The following LHFPL3 variants were observed in gnomAD, a reference collection of about 807,000 sequenced individuals.
LHFPL3 encodes LHFPL tetraspan subfamily member 3 protein.
Under a neutral mutation model 19.3 loss-of-function variants are expected in LHFPL3, and 5 were observed. The ratio of observed to expected loss-of-function variants is 0.26; its 90% CI spans 0.14 to 0.54. LHFPL3 has a LOEUF of 0.54. LHFPL3 is among the 20% of genes least tolerant of loss of function. The probability of loss-of-function intolerance (pLI) is 0.94; values close to 1 mark genes in which losing one functional copy is unlikely to be tolerated. For missense variants in LHFPL3, 249 were observed against 307.4 expected (o/e 0.81, Z 1.42); for synonymous variants, 133 against 126.2 (o/e 1.05, Z -0.36).
chr7:104,862,006 TG>T, intron 2 of LHFPL3, among the ~76,000 whole-genome samples: 1 of 152,164 alleles, frequency 6.6e-6, no homozygotes. Flanking sequence ...TTCTCATTCC[TG>T]GAGGCAGCAG....
chr7:104,436,594 T>C (rs1464079162), intron 1 of LHFPL3, among the ~76,000 whole-genome samples: 3 of 152,232 alleles, frequency 2.0e-5, no homozygotes, highest in Non-Finnish European at 4.4e-5. Flanking sequence ...GAAGATCATA[T>C]TGATTTTTAA....
chr7:104,761,202 C>G (rs142322135), intron 2 of LHFPL3, among the ~76,000 whole-genome samples: 17 of 152,242 alleles, frequency 1.1e-4, no homozygotes, highest in African/African-American at 9.6e-5. Context: ...GTCTAGGTCT[C>G]TTGACATCAC....
At chr7:104,341,861 C>T (rs186808431) in intron 1 of LHFPL3, among the ~76,000 whole-genome samples, 17 of 151,352 alleles carry the variant, frequency 1.1e-4, no homozygotes, top group Admixed American at 6.6e-4. Context: ...TTCTAGAGGA[C>T]GGAGGGTGGA....
intron 2 of LHFPL3, among the ~76,000 whole-genome samples, chr7:104,877,139 G>A (rs986650057): frequency 3.3e-5 from 5 of 152,182 alleles, no homozygotes; most frequent in African/African-American, 1.2e-4. Context: ...GGTCAGGGGA[G>A]GAGGGAGGGA....
chr7:104,703,462 T>G (rs7789680), intron 1 of LHFPL3, among the ~76,000 whole-genome samples: 151,372 of 152,332 alleles, frequency 0.99, 75,217 homozygotes, highest in East Asian at 1. Context: ...GAGCACAAAG[T>G]TTTGTGGTTT....
chr7:104,907,872 A>G lies in LHFPL3; in HGVS notation c.*1657A>G, dbSNP rs17706864. On this transcript the variant is annotated 3_prime_UTR_variant, in exon 3 of 3. Transcript: ENST00000424859. The stretch of plus-strand genomic sequence containing the variant: ...CATTATGTTTCAAATGGCTAAAAGC[A>G]TATTATGGGTATGCTCAAAGGAGTA... 6.6e-6 allele frequency among the ~76,000 whole-genome samples: 1 copy of G among 152,024 alleles called. No homozygotes were observed. The highest frequency in any genetic ancestry group is 1.5e-5 in the Non-Finnish European group (1 of 67,964).
chr7:104,460,212 A>G (rs1000198276), intron 1 of LHFPL3, among the ~76,000 whole-genome samples: 3 of 152,190 alleles, frequency 2.0e-5, no homozygotes, highest in African/African-American at 7.2e-5. Flanking sequence ...AGTATTCCAC[A>G]GTGAATATGT....
At chr7:104,668,929 G>C (rs1792418379) in intron 1 of LHFPL3, 9 of 1,612,346 alleles carry the variant, frequency 5.6e-6, no homozygotes, top group Non-Finnish European at 6.8e-6. Context: ...GCCAAAACTA[G>C]AACGACGGCC....
intron 1 of LHFPL3, among the ~76,000 whole-genome samples, chr7:104,332,218 CT>C (rs1562866567): frequency 1.0e-5 from 1 of 95,898 alleles, no homozygotes; most frequent in East Asian, 3.4e-4. Flanking sequence ...AATCCTATTT[CT>C]TTTCTTTTTT....
chr7:104,723,149 G>A (rs1479389130), intron 1 of LHFPL3, among the ~76,000 whole-genome samples: 3 of 152,146 alleles, frequency 2.0e-5, no homozygotes, highest in African/African-American at 7.2e-5. Context: ...CAAGAAAAAT[G>A]CCAGAGCAAT....
At chr7:104,405,243 TA>T (rs1388211772) in intron 1 of LHFPL3, among the ~76,000 whole-genome samples, 2 of 152,144 alleles carry the variant, frequency 1.3e-5, no homozygotes. Flanking sequence ...TAGACTGAAG[TA>T]AAAAAATGAC....
intron 1 of LHFPL3, among the ~76,000 whole-genome samples, chr7:104,690,319 A>G (rs778763977): frequency 6.6e-6 from 1 of 152,254 alleles, no homozygotes; most frequent in Non-Finnish European, 1.5e-5. Context: ...CTCCATTCCT[A>G]TTTATAAGGC....
chr7:104,706,606 ACACC>A (rs1450067098), intron 1 of LHFPL3, among the ~76,000 whole-genome samples: 4 of 152,228 alleles, frequency 2.6e-5, no homozygotes, highest in Admixed American at 2.6e-4. Context: ...TACATGCCCA[ACACC>A]CTCTCCCCTA....
At chr7:104,770,243 T>C (rs1794528856) in intron 2 of LHFPL3, among the ~76,000 whole-genome samples, 1 of 152,032 alleles carries the variant, frequency 6.6e-6, no homozygotes, top group African/African-American at 2.4e-5. Flanking sequence ...GGATGTATTA[T>C]ATGACCCCAA....
intron 1 of LHFPL3, among the ~76,000 whole-genome samples, chr7:104,608,887 A>C (rs184177840): frequency 6.6e-6 from 1 of 152,318 alleles, no homozygotes; most frequent in Non-Finnish European, 1.5e-5. Flanking sequence ...GATAGGAATG[A>C]TGTGCATATA....
chr7:104,788,325 A>C (rs564362965), intron 2 of LHFPL3, among the ~76,000 whole-genome samples: 33 of 152,334 alleles, frequency 2.2e-4, no homozygotes, highest in Admixed American at 1.4e-3. Context: ...GTTTTCCAGA[A>C]GGCATCAGAG....
chr7:104,417,879 TTCTTC>T (rs762019662), intron 1 of LHFPL3, among the ~76,000 whole-genome samples: 13 of 122,310 alleles, frequency 1.1e-4, no homozygotes, highest in African/African-American at 4.5e-4. Context: ...CTTCTTCTTC[TTCTTC>T]TTTTTTTTTT....
At chr7:104,563,688 C>T (rs992481930) in intron 1 of LHFPL3, among the ~76,000 whole-genome samples, 24 of 152,242 alleles carry the variant, frequency 1.6e-4, no homozygotes, top group Non-Finnish European at 2.2e-4. Context: ...TGTTCCTGTT[C>T]GGCCATCTTG....
intron 1 of LHFPL3, among the ~76,000 whole-genome samples, chr7:104,448,565 T>G (rs1792374048): frequency 6.6e-6 from 1 of 152,232 alleles, no homozygotes; most frequent in Non-Finnish European, 1.5e-5. Flanking sequence ...TTCAGCTAAT[T>G]CCCTGTTCCC....
Sources: gnomAD v4.1 joint callset for allele counts (sites outside exome capture counted in the v4.1 genomes callset) on GRCh38, gnomAD v4.1.1 for gene constraint, MANE v1.5 for transcripts, NCBI Gene and HGNC (gene_info 2026-07-23, HGNC 2026-07-21) for gene names.